KDM2B: variants seen among roughly 807,000 people sequenced by gnomAD.
KDM2B encodes lysine-specific demethylase 2B.
In KDM2B, 26 loss-of-function variants were observed where a neutral mutation model predicts 150.0. The observed-to-expected ratio is 0.17, with a 90% CI of 0.13 to 0.24. The LOEUF (loss-of-function observed/expected upper bound fraction) is 0.24, where lower values mean the gene tolerates loss of function less well. Ranked by LOEUF, KDM2B falls within the 10% of genes least tolerant of loss-of-function variation. The pLI, the probability that KDM2B is intolerant of heterozygous loss-of-function variation, is 1.00. For synonymous variants in KDM2B, 734 were observed against 729.5 expected, an observed-to-expected ratio of 1.01 and a Z score of -0.10; for missense variants, 1,265 against 1,816.9, an observed-to-expected ratio of 0.70 and a Z score of 5.52.
At chr12:121,437,211 T>C (rs1223506274) in intron 22 of KDM2B, among the ~76,000 whole-genome samples, 2 of 151,432 alleles carry the variant, frequency 1.3e-5, no homozygotes, top group African/African-American at 4.9e-5. Context: ...AACTGATGAG[T>C]TGGGGGTGGG....
intron 15 of KDM2B, 59 bp from the exon 16 acceptor site, chr12:121,444,331 C>T: frequency 1.2e-6 from 2 of 1,608,170 alleles, no homozygotes; most frequent in Non-Finnish European, 1.7e-6. Context: ...ACTTGCCCTT[C>T]CTCCTCCCCA....
chr12:121,501,238 G>A (rs2140536874), intron 11 of KDM2B, among the ~76,000 whole-genome samples: 1 of 152,262 alleles, frequency 6.6e-6, no homozygotes, highest in East Asian at 1.9e-4. Context: ...AGGCAGATGG[G>A]TGTGGTGGCA....
At chr12:121,420,818 C>G in the KDM2B span, 3 of 1,504,462 alleles carry the variant, frequency 2.0e-6, no homozygotes, top group Non-Finnish European at 1.8e-6. Context: ...AGTATTTTTC[C>G]TTAGGCTTTT....
At chr12:121,409,946 A>G in the KDM2B span, among the ~76,000 whole-genome samples, 1 of 151,842 alleles carries the variant, frequency 6.6e-6, no homozygotes, top group Non-Finnish European at 1.5e-5. Flanking sequence ...ATCTGAGGTC[A>G]GGAGTTCGAG....
chr12:121,569,823 T>A (rs1440773882), intron 4 of KDM2B, among the ~76,000 whole-genome samples: 2 of 145,388 alleles, frequency 1.4e-5, no homozygotes, highest in Non-Finnish European at 2.9e-5. Context: ...GCTTTCTTTT[T>A]TCTTTTCTTT....
chr12:121,546,972 C>T (rs1474510707), intron 6 of KDM2B, among the ~76,000 whole-genome samples: 1 of 152,104 alleles, frequency 6.6e-6, no homozygotes, highest in Non-Finnish European at 1.5e-5. Flanking sequence ...GCTGGGATTA[C>T]AGGTGTGACC....
At chr12:121,418,058 AAAGGCTG>A in the KDM2B span, 1 of 863,602 alleles carries the variant, frequency 1.2e-6, no homozygotes, top group Non-Finnish European at 1.8e-6. Flanking sequence ...CTCTGCACTT[AAAGGCTG>A]TCCTGATGTA....
intron 9 of KDM2B, among the ~76,000 whole-genome samples, chr12:121,514,515 T>C (rs1885866413): frequency 6.6e-6 from 1 of 151,676 alleles, no homozygotes; most frequent in Non-Finnish European, 1.5e-5. Flanking sequence ...AAGAGGTCCC[T>C]GACACCCACA....
chr12:121,431,325 A>G lies in KDM2B; in HGVS notation c.3830-856T>C, dbSNP rs1555285481. Among the ~76,000 whole-genome samples the G allele has an allele frequency of 9.3e-5, 7 of 75,496 alleles. No individual in the cohort carries two copies. In the South Asian group the frequency reaches 2.5e-3, roughly 27 times the overall value. 49.5% of individuals were successfully genotyped at this position (75,496 alleles called of 152,430 possible). On this transcript the variant is annotated intron_variant, in intron 22 of 22. Transcript: ENST00000377071. Reference sequence around the variant, plus strand: ...TTTTTTTTTTTTTTTTTTTTTTTGTAGTAAGTAGAAACTGGGTTCCACCAT... The same window carrying G: ...TTTTTTTTTTTTTTTTTTTTTTTGTGGTAAGTAGAAACTGGGTTCCACCAT...
chr12:121,451,351 T>A (rs1337431247), intron 13 of KDM2B, among the ~76,000 whole-genome samples: 1 of 152,238 alleles, frequency 6.6e-6, no homozygotes, highest in East Asian at 1.9e-4. Flanking sequence ...GTTAATGGAC[T>A]GTTTTTGTTA....
chr12:121,536,660 GTTT>G (rs71079076), intron 6 of KDM2B, among the ~76,000 whole-genome samples: 1 of 141,596 alleles, frequency 7.1e-6, no homozygotes. Flanking sequence ...CTTCGTCTTG[GTTT>G]TTTTTTTTTT....
rs1440462601 is a variant in KDM2B, at chr12:121,549,787, C to T, written c.398-149G>A. ...CATCTGTTCAATTACCTCACCCCAT[C>T]GGCTTTCCTTCTGGGATCTGTCTCC... On this transcript the variant is annotated intron_variant, in intron 4 of 22. Transcript: ENST00000377071. The surrounding 1 kb of genome is among the most constrained non-coding windows in gnomAD (Gnocchi z 4.4). The T allele has an allele frequency of 8.9e-6, 6 of 674,686 alleles. No homozygotes were observed. The highest frequency in any genetic ancestry group is 6.0e-5 in the East Asian group (2 of 33,198). The allele number at this position is 674,686 out of a possible 1,614,324, so 41.8% of individuals were successfully genotyped here.
chr12:121,469,986 G>C (rs1566306334), intron 12 of KDM2B: 2 of 151,672 alleles, frequency 1.3e-5, no homozygotes, highest in African/African-American at 4.8e-5. Context: ...GATCCCAGCT[G>C]CTCAGGAGGC....
intron 22 of KDM2B, among the ~76,000 whole-genome samples, chr12:121,434,491 ACT>A (rs370653021): frequency 0.016 from 2,219 of 135,432 alleles, 68 homozygotes; most frequent in African/African-American, 0.062. Flanking sequence ...ACAGAGCGAG[ACT>A]CTCTATCAAA....
chr12:121,456,998 C>T (rs572826149), intron 12 of KDM2B, among the ~76,000 whole-genome samples: 40 of 152,272 alleles, frequency 2.6e-4, no homozygotes, highest in Non-Finnish European at 2.5e-4. Context: ...AACAGAGCAA[C>T]GCAGGATCCT....
At position 121,429,847 on chromosome 12, in the gene KDM2B, C is replaced by T; in HGVS notation, c.*441G>A. ...TGCATAATGTAAGATGTAACAAAAC[C>T]AACCAAACAAAAAAAAGTGTCAAGA... On this transcript the variant is annotated 3_prime_UTR_variant, in exon 23 of 23. Coordinates refer to ENST00000377071, the MANE Select transcript of KDM2B (RefSeq NM_032590.5). 1.8e-6 allele frequency: 1 copy of T among 566,152 alleles called. No individual in the cohort carries two copies. The highest frequency in any genetic ancestry group is 2.5e-5 in the South Asian group (1 of 39,586). The allele number at this position is 566,152 out of a possible 1,614,324, so 35.1% of individuals were successfully genotyped here.
chr12:121,547,382 A>G (rs1045450307), intron 6 of KDM2B, among the ~76,000 whole-genome samples: 1 of 152,194 alleles, frequency 6.6e-6, no homozygotes, highest in African/African-American at 2.4e-5. Flanking sequence ...AGAGAGAGAG[A>G]GAGCTTGAAA....
At chr12:121,546,527 C>T (rs1189924885) in intron 6 of KDM2B, among the ~76,000 whole-genome samples, 5 of 151,006 alleles carry the variant, frequency 3.3e-5, no homozygotes, top group African/African-American at 9.7e-5. Flanking sequence ...GGACTACAGG[C>T]GCCCGCCACC....
chr12:121,506,963 G>T (rs1885133772), intron 11 of KDM2B, among the ~76,000 whole-genome samples: 1 of 151,954 alleles, frequency 6.6e-6, no homozygotes, highest in Non-Finnish European at 1.5e-5. Flanking sequence ...CCGGCGAGGT[G>T]GCGGGCACCT....
Sources: allele counts gnomAD v4.1 joint callset (sites outside exome capture counted in the v4.1 genomes callset), GRCh38; gene constraint gnomAD v4.1.1; non-coding constraint Gnocchi (gnomAD v3.1); transcripts MANE v1.5; gene names NCBI Gene and HGNC (gene_info 2026-07-23, HGNC 2026-07-21).